SIPA1L2: variants seen among roughly 807,000 people sequenced by gnomAD.
SIPA1L2 encodes signal induced proliferation associated 1 like 2.
In SIPA1L2, 56 loss-of-function variants were observed where a neutral mutation model predicts 163.9. The ratio of observed to expected loss-of-function variants is 0.34; its 90% CI spans 0.28 to 0.43. The LOEUF (loss-of-function observed/expected upper bound fraction) is 0.43. Among genes scored for constraint, SIPA1L2 ranks in the 20% least tolerant of loss-of-function variants. The probability of loss-of-function intolerance (pLI) is 1.00; values close to 1 mark genes in which losing one functional copy is unlikely to be tolerated. For missense variants in SIPA1L2, 1,974 were observed against 2,193.5 expected (o/e 0.90, Z 2.00); for synonymous variants, 877 against 865.7 (o/e 1.01, Z -0.23).
chr1:232,483,121 A>AG (rs1665448791), intron 6 of SIPA1L2, among the ~76,000 whole-genome samples: 2 of 151,880 alleles, frequency 1.3e-5, no homozygotes, highest in Non-Finnish European at 2.9e-5. Context: ...ATATTAGACA[A>AG]ATTCATGCAT....
At position 232,443,607 on chromosome 1, in the gene SIPA1L2, G is replaced by A. The variant is rs757464147; in HGVS notation, c.3432C>T (p.Tyr1144=). 7 of 1,601,262 alleles carry A rather than the reference G, an allele frequency of 4.4e-6. No homozygotes were observed. In the East Asian group the frequency reaches 6.8e-5, roughly 16 times the overall value. ...AAGATAAAAATGAACAGTACCCGTC[G>A]TAGCCCACTTGTGGTCTCCAGGGTC... ...GSGPWRPQVG[Y]DGCQSPLLLE... Residue 1144 remains tyrosine, a synonymous_variant, in exon 12 of 23, where the codon TAC becomes TAT. Transcript: ENST00000674635.
chr1:232,500,989 T>C lies in SIPA1L2; in HGVS notation c.1484-7329A>G, dbSNP rs184471849. ...ATCAATGTGGAGGCAAGATCCTCCA[T>C]CAGAAGAAAGGTTGACTTGCTGAAG... On this transcript the variant is annotated intron_variant, in intron 3 of 22. Coordinates refer to ENST00000674635, the MANE Select transcript of SIPA1L2 (RefSeq NM_020808.5). 2.2e-4 allele frequency among the ~76,000 whole-genome samples: 33 copies of C among 149,426 alleles called. No individual in the cohort carries two copies. In the East Asian group the frequency reaches 6.6e-3, roughly 30 times the overall value.
chr1:232,601,689 C>T lies in SIPA1L2; in HGVS notation c.-318-27467G>A, dbSNP rs368279417. 4.6e-5 allele frequency among the ~76,000 whole-genome samples: 7 copies of T among 152,292 alleles called. No homozygotes were observed. In the South Asian group the frequency reaches 1.2e-3, roughly 27 times the overall value. On this transcript the variant is annotated intron_variant, in intron 1 of 22. Coordinates refer to ENST00000674635, the MANE Select transcript of SIPA1L2 (RefSeq NM_020808.5). ...GCTCTTAAATGTTTCTGAAATTCCA[C>T]ACCCCCAACACACCAAACGCCAAAA...
chr1:232,485,071 C>T (rs1157320542), intron 5 of SIPA1L2, among the ~76,000 whole-genome samples: 1 of 152,162 alleles, frequency 6.6e-6, no homozygotes, highest in Non-Finnish European at 1.5e-5. Flanking sequence ...CCTGGGTGAC[C>T]TCAGCAGACA....
chr1:232,559,529 C>T (rs61825384), intron 2 of SIPA1L2, among the ~76,000 whole-genome samples: 19,710 of 151,970 alleles, frequency 0.13, 1,453 homozygotes, highest in Middle Eastern at 0.23. Flanking sequence ...TTATAAAGAC[C>T]ATGAAATAAT....
chr1:232,488,778 T>G (rs1665775664), intron 5 of SIPA1L2, among the ~76,000 whole-genome samples: 2 of 152,200 alleles, frequency 1.3e-5, no homozygotes, highest in South Asian at 4.1e-4. Flanking sequence ...AGCTTCTAGA[T>G]CTATCTGACT....
chr1:232,408,774 C>T (rs541667398), intron 19 of SIPA1L2, among the ~76,000 whole-genome samples: 1 of 151,960 alleles, frequency 6.6e-6, no homozygotes, highest in Non-Finnish European at 1.5e-5. Context: ...CTGGTTTTAC[C>T]TATCACATTC....
chr1:232,515,108 C>T lies in SIPA1L2; in HGVS notation c.232G>A (p.Ala78Thr). The T allele has an allele frequency of 1.2e-6, 2 of 1,613,998 alleles. No homozygotes were observed. The highest frequency in any genetic ancestry group is 8.5e-7 in the Non-Finnish European group (1 of 1,179,916). The change falls in exon 3 of 23, where the codon GCA becomes ACA. Residue 78 changes from alanine (A) to threonine (T), a missense_variant. Ala to Thr is a moderately conservative substitution (Grantham distance 58). Transcript: ENST00000674635. ...TTAGGAGGCCATTCAGACACCCTTGCTCTCACACCCATCTTGGGCACAGCT... is the reference window on the plus strand; with the variant it reads ...TTAGGAGGCCATTCAGACACCCTTGTTCTCACACCCATCTTGGGCACAGCT... ...TPAVPKMGVR[A>T]RVSEWPPKKD...
intron 2 of SIPA1L2, among the ~76,000 whole-genome samples, chr1:232,515,975 G>C (rs534928517): frequency 6.6e-6 from 1 of 152,286 alleles, no homozygotes; most frequent in East Asian, 1.9e-4. Flanking sequence ...TCTAAGCCAA[G>C]AACCATGCCT....
intron 10 of SIPA1L2, among the ~76,000 whole-genome samples, chr1:232,446,570 T>C (rs1538281): frequency 0.31 from 47,786 of 152,146 alleles, 8,271 homozygotes; most frequent in East Asian, 0.56. Flanking sequence ...TTGTCTGATA[T>C]TTTATTCTTC....
intron 1 of SIPA1L2, among the ~76,000 whole-genome samples, chr1:232,593,574 G>A (rs975172602): frequency 6.6e-6 from 1 of 152,058 alleles, no homozygotes; most frequent in Non-Finnish European, 1.5e-5. Context: ...TTCATAAAAC[G>A]ATTTGTTATG....
intron 18 of SIPA1L2, 163 bp from the exon 19 acceptor site, chr1:232,415,788 C>T: frequency 1.3e-6 from 1 of 763,280 alleles, no homozygotes; most frequent in South Asian, 1.7e-5. Context: ...GCACCACTGT[C>T]CCTCCCAGAG....
intron 1 of SIPA1L2, among the ~76,000 whole-genome samples, chr1:232,588,179 A>T (rs996713158): frequency 2.6e-5 from 4 of 152,208 alleles, no homozygotes; most frequent in African/African-American, 9.6e-5. Flanking sequence ...CGCAAGGGTC[A>T]GCACCTGTGG....
At chr1:232,499,496 A>G (rs148472123) in intron 3 of SIPA1L2, among the ~76,000 whole-genome samples, 1 of 152,358 alleles carries the variant, frequency 6.6e-6, no homozygotes, top group Non-Finnish European at 1.5e-5. Context: ...CTTCAATTCT[A>G]TGAAGGCTGA....
chr1:232,467,926 G>A (rs1664607771), intron 8 of SIPA1L2, among the ~76,000 whole-genome samples: 1 of 152,176 alleles, frequency 6.6e-6, no homozygotes, highest in Admixed American at 6.5e-5. Context: ...GAAATTTTTT[G>A]TGTATCCAAT....
At chr1:232,623,665 G>T (rs1040304242) in intron 1 of SIPA1L2, among the ~76,000 whole-genome samples, 4 of 152,026 alleles carry the variant, frequency 2.6e-5, no homozygotes, top group Middle Eastern at 3.2e-3. Context: ...AACTTTCTAA[G>T]GAGAATAGCA....
Position 232,490,978 on chromosome 1 carries a change from C to G in SIPA1L2, c.1702G>C (p.Glu568Gln), listed in dbSNP as rs757791351. ...HGTARGLPLK[E>Q]VLEYVIPELS... ...TCTGGAATGACGTATTCCAAAACTT[C>G]TTTGAGAGGTAGTCCTCGTGCGGTA... Residue 568 changes from glutamate to glutamine, a missense_variant, in exon 5 of 23, where the codon GAA becomes CAA. Coordinates refer to ENST00000674635, the MANE Select transcript of SIPA1L2 (RefSeq NM_020808.5). The G allele has an allele frequency of 6.8e-6, 11 of 1,614,044 alleles. 1 individual carries two copies. In the South Asian group the frequency reaches 1.2e-4, roughly 18 times the overall value.
At chr1:232,422,599 T>G (rs6424228) in intron 18 of SIPA1L2, among the ~76,000 whole-genome samples, 98,515 of 151,904 alleles carry the variant, frequency 0.65, 32,544 homozygotes, top group East Asian at 0.81. Flanking sequence ...CTTTTCCCTA[T>G]GAATGCTCTA....
chr1:232,608,047 C>CAAAAAAAAAAAAACAA (rs1662040029), intron 1 of SIPA1L2, among the ~76,000 whole-genome samples: 4 of 67,496 alleles, frequency 5.9e-5, no homozygotes, highest in African/African-American at 2.0e-4. Flanking sequence ...AACTCCATCT[C>CAAAAAAAAAAAAACAA]AAAAAAAAAA....
Sources: allele counts gnomAD v4.1 joint callset (sites outside exome capture counted in the v4.1 genomes callset), GRCh38; gene constraint gnomAD v4.1.1; transcripts MANE v1.5; gene names NCBI Gene and HGNC (gene_info 2026-07-23, HGNC 2026-07-21).